CSMD1: variants seen among roughly 807,000 people sequenced by gnomAD.
CSMD1 encodes CUB and sushi domain-containing protein 1.
Under a neutral mutation model 417.5 loss-of-function variants are expected in CSMD1, and 213 were observed. The observed-to-expected ratio is 0.51, with a 90% confidence interval of 0.46 to 0.57. The LOEUF (loss-of-function observed/expected upper bound fraction) is 0.57, where lower values mean the gene tolerates loss of function less well. Among genes scored for constraint, CSMD1 ranks in the 20% least tolerant of loss-of-function variants. The probability of loss-of-function intolerance (pLI) is 0.00; values close to 1 mark genes in which losing one functional copy is unlikely to be tolerated. For synonymous variants in CSMD1, 2,862 were observed against 1,736.8 expected (o/e 1.65, Z -16.11); for missense variants, 6,923 against 4,529.7 (o/e 1.53, Z -15.17).
intron 8 of CSMD1, among the ~76,000 whole-genome samples, chr8:3,590,937 T>G (rs867746649): frequency 6.6e-6 from 1 of 152,348 alleles, no homozygotes; most frequent in Middle Eastern, 3.4e-3. Flanking sequence ...TTCACTGATT[T>G]ATGATTACTA....
At chr8:3,823,266 G>C (rs963177158) in intron 5 of CSMD1, among the ~76,000 whole-genome samples, 2 of 152,132 alleles carry the variant, frequency 1.3e-5, no homozygotes, top group Admixed American at 6.5e-5. Context: ...AAGTAATTCA[G>C]TTTTGCCAGA....
At chr8:3,745,387 T>TC (rs1297980530) in intron 6 of CSMD1, among the ~76,000 whole-genome samples, 1 of 152,116 alleles carries the variant, frequency 6.6e-6, no homozygotes, top group Non-Finnish European at 1.5e-5. Context: ...GAGGGAACCC[T>TC]CTGAGACATT....
chr8:4,991,334 G>A (rs1811452044), intron 1 of CSMD1, among the ~76,000 whole-genome samples: 1 of 152,198 alleles, frequency 6.6e-6, no homozygotes, highest in Non-Finnish European at 1.5e-5. Flanking sequence ...AGAAGAAAAA[G>A]GAAATCGCCA....
At chr8:3,908,798 G>C (rs925917825) in intron 5 of CSMD1, among the ~76,000 whole-genome samples, 3 of 152,162 alleles carry the variant, frequency 2.0e-5, no homozygotes, top group Non-Finnish European at 2.9e-5. Flanking sequence ...TGGATTCTTA[G>C]CTATTATTTG....
chr8:4,994,440 G>C lies in CSMD1; in HGVS notation c.-24C>G. On this transcript the variant is annotated 5_prime_UTR_variant, in exon 1 of 70. Transcript: ENST00000635120. Reference sequence around the variant, plus strand: ...ATGTCTGCAGATACTCCACACGCACGCGACACCGATGGCTCCTCCGAGGAA... The same window carrying C: ...ATGTCTGCAGATACTCCACACGCACCCGACACCGATGGCTCCTCCGAGGAA... The C allele has an allele frequency of 1.9e-6, 3 of 1,599,052 alleles. No homozygotes were observed. Among genetic ancestry groups the C allele is most frequent in the Non-Finnish European group, 2.6e-6 (3 of 1,170,130 alleles).
intron 10 of CSMD1, among the ~76,000 whole-genome samples, chr8:3,494,637 G>C (rs1476627272): frequency 1.3e-5 from 2 of 152,012 alleles, no homozygotes; most frequent in East Asian, 1.9e-4. Flanking sequence ...TGACAGACTG[G>C]ATGGATGGAT....
chr8:4,004,831 G>A (rs903386821), intron 4 of CSMD1, among the ~76,000 whole-genome samples: 2 of 151,962 alleles, frequency 1.3e-5, no homozygotes, highest in Non-Finnish European at 2.9e-5. Context: ...TGTAAGCTCC[G>A]CCTCCCGGGT....
At chr8:3,123,380 C>T (rs1817318100) in intron 41 of CSMD1, among the ~76,000 whole-genome samples, 1 of 152,146 alleles carries the variant, frequency 6.6e-6, no homozygotes, top group Admixed American at 6.5e-5. Flanking sequence ...ATGCCTCCTC[C>T]CAATACTGCT....
intron 26 of CSMD1, among the ~76,000 whole-genome samples, chr8:3,268,770 T>C (rs761366098): frequency 1.4e-4 from 21 of 152,174 alleles, no homozygotes; most frequent in Non-Finnish European, 2.5e-4. Flanking sequence ...CTGTGTTGAT[T>C]GGGAGTTTGA....
intron 1 of CSMD1, among the ~76,000 whole-genome samples, chr8:4,805,477 G>C (rs555149374): frequency 2.0e-5 from 3 of 152,206 alleles, no homozygotes; most frequent in African/African-American, 7.2e-5. Context: ...GCGTCGAGAA[G>C]TCAGCGAGTG....
chr8:4,639,864 A>G (rs1196204081), intron 1 of CSMD1, among the ~76,000 whole-genome samples: 1 of 152,192 alleles, frequency 6.6e-6, no homozygotes, highest in African/African-American at 2.4e-5. Flanking sequence ...CAGAGAACTA[A>G]TAAAAAGCCC....
At chr8:3,539,444 T>G (rs1041075271) in intron 10 of CSMD1, among the ~76,000 whole-genome samples, 3 of 152,292 alleles carry the variant, frequency 2.0e-5, no homozygotes, top group Admixed American at 6.5e-5. Context: ...ATGATGACAG[T>G]TGGGTTTATG....
intron 3 of CSMD1, among the ~76,000 whole-genome samples, chr8:4,051,908 C>CT (rs1339604552): frequency 1.2e-4 from 16 of 131,626 alleles, no homozygotes; most frequent in Admixed American, 2.5e-4. Flanking sequence ...TCCTTCCTTC[C>CT]TTCCTTTCTT....
At chr8:3,585,838 T>C (rs1584924621) in intron 9 of CSMD1, among the ~76,000 whole-genome samples, 1 of 152,292 alleles carries the variant, frequency 6.6e-6, no homozygotes, top group African/African-American at 2.4e-5. Flanking sequence ...GGGACATATA[T>C]TCACACACAT....
intron 8 of CSMD1, among the ~76,000 whole-genome samples, chr8:3,588,985 G>A (rs1335430205): frequency 3.3e-5 from 5 of 152,162 alleles, no homozygotes; most frequent in Admixed American, 1.3e-4. Context: ...AAGGTGCTCC[G>A]TGTCACTAAT....
intron 5 of CSMD1, among the ~76,000 whole-genome samples, chr8:3,760,872 G>A (rs545464940): frequency 1.7e-4 from 26 of 152,224 alleles, no homozygotes; most frequent in African/African-American, 5.5e-4. Context: ...TGCCCACAGG[G>A]GGACTAAGAA....
At chr8:4,632,816 G>A (rs550182126) in intron 2 of CSMD1, among the ~76,000 whole-genome samples, 1 of 152,114 alleles carries the variant, frequency 6.6e-6, no homozygotes, top group Non-Finnish European at 1.5e-5. Flanking sequence ...TGTGCACTGC[G>A]TTTTGAAAGA....
chr8:4,781,189 C>A (rs559124338), intron 1 of CSMD1, among the ~76,000 whole-genome samples: 1 of 152,116 alleles, frequency 6.6e-6, no homozygotes, highest in Non-Finnish European at 1.5e-5. Context: ...AATACATCTC[C>A]GCAAGAAAGG....
chr8:3,653,785 T>G (rs141631231), intron 7 of CSMD1, among the ~76,000 whole-genome samples: 156 of 152,364 alleles, frequency 1.0e-3, no homozygotes, highest in African/African-American at 3.6e-3. Flanking sequence ...GACATATCCC[T>G]AACTCGTGAC....
Sources: allele counts gnomAD v4.1 joint callset (sites outside exome capture counted in the v4.1 genomes callset), GRCh38; gene constraint gnomAD v4.1.1; transcripts MANE v1.5; gene names NCBI Gene and HGNC (gene_info 2026-07-23, HGNC 2026-07-21).